The following CLVS1 variants were observed in gnomAD, a reference collection of about 807,000 sequenced individuals.
CLVS1 encodes clavesin 1.
A neutral mutation model predicts 33.1 loss-of-function variants in CLVS1; 10 were observed. The ratio of observed to expected loss-of-function variants is 0.30; its 90% CI spans 0.19 to 0.51. CLVS1 has a LOEUF of 0.51. Among genes scored for constraint, CLVS1 ranks in the 20% least tolerant of loss-of-function variants. The pLI, the probability that CLVS1 is intolerant of heterozygous loss-of-function variation, is 0.97. For synonymous variants in CLVS1, 163 were observed against 166.1 expected (o/e 0.98, Z 0.14); for missense variants, 343 against 433.4 (o/e 0.79, Z 1.85).
intron 3 of CLVS1, among the ~76,000 whole-genome samples, chr8:61,403,085 C>T (rs1280076444): frequency 5.9e-5 from 9 of 151,982 alleles, no homozygotes; most frequent in Admixed American, 5.9e-4. Flanking sequence ...TTGTGGTTGG[C>T]CTTATTGAGG....
chr8:61,486,535 T>C (rs1803888844), intron 5 of CLVS1, among the ~76,000 whole-genome samples: 1 of 152,246 alleles, frequency 6.6e-6, no homozygotes, highest in Non-Finnish European at 1.5e-5. Context: ...TCAATAATCC[T>C]TCACGTACCT....
intron 5 of CLVS1, among the ~76,000 whole-genome samples, chr8:61,461,217 C>G (rs898455233): frequency 2.0e-5 from 3 of 152,204 alleles, no homozygotes. Flanking sequence ...TCAACATTGT[C>G]TTGTCCCTTC....
At chr8:60,981,035 G>A in the CLVS1 span, among the ~76,000 whole-genome samples, 1,068 of 152,304 alleles carry the variant, frequency 7.0e-3, 8 homozygotes, top group South Asian at 0.014. Flanking sequence ...GGCTGGGGAT[G>A]GCTTCTCTAG....
At chr8:60,971,343 T>C in the CLVS1 span, among the ~76,000 whole-genome samples, 1 of 152,324 alleles carries the variant, frequency 6.6e-6, no homozygotes, top group East Asian at 1.9e-4. Flanking sequence ...CCTTCCGAAG[T>C]GCTGGGATTA....
At chr8:60,973,969 G>C in the CLVS1 span, among the ~76,000 whole-genome samples, 1 of 152,102 alleles carries the variant, frequency 6.6e-6, no homozygotes, top group African/African-American at 2.4e-5. Flanking sequence ...TTATTCTTTT[G>C]ATTTGCTTTT....
chr8:61,358,556 G>T (rs1334857650), intron 2 of CLVS1, among the ~76,000 whole-genome samples: 1 of 152,150 alleles, frequency 6.6e-6, no homozygotes, highest in Non-Finnish European at 1.5e-5. Flanking sequence ...GTACAGTGGT[G>T]AACATGATTA....
In CLVS1 at chr8:61,120,936, G is replaced by T. The variant is rs368136485; in HGVS notation, c.-242-10834G>T. On this transcript the variant is annotated intron_variant, in intron 1 of 2. Coordinates refer to the CLVS1 transcript ENST00000522621. The stretch of plus-strand genomic sequence containing the variant: ...CTTCCTGGCTGCTTTGTTTACCTAA[G>T]CAAGCCTGGGCAATGGCGGGTGCCC... Among the ~76,000 whole-genome samples the T allele has an allele frequency of 4.9e-3, 728 of 147,918 alleles. 5 individuals are homozygous for T. Among genetic ancestry groups the T allele is most frequent in the African/African-American group, 0.011 (422 of 38,894 alleles).
chr8:61,137,372 C>A (rs1046390034), intron 2 of CLVS1, among the ~76,000 whole-genome samples: 2 of 152,192 alleles, frequency 1.3e-5, no homozygotes, highest in South Asian at 4.1e-4. Flanking sequence ...TTGGTGCTAT[C>A]ACTTGGTAGC....
intron 2 of CLVS1, among the ~76,000 whole-genome samples, chr8:61,325,869 T>C (rs1026670227): frequency 5.3e-5 from 8 of 152,184 alleles, no homozygotes; most frequent in African/African-American, 1.9e-4. Flanking sequence ...GAATTTCCTA[T>C]TTATAGTTCA....
At chr8:61,224,972 A>G (rs1808296790) in intron 2 of CLVS1, among the ~76,000 whole-genome samples, 1 of 152,212 alleles carries the variant, frequency 6.6e-6, no homozygotes, top group African/African-American at 2.4e-5. Flanking sequence ...AATGAATGAT[A>G]TATTTGTGTT....
rs377236781 is a variant in CLVS1 at position 61,500,440 on chromosome 8, A to T, written c.*898A>T. The stretch of plus-strand genomic sequence containing the variant: ...CACAACCCTCCTGCAACCATTAAAG[A>T]TGTGGAGAAAGACCATGGTTGTTGC... On this transcript the variant is annotated 3_prime_UTR_variant, in exon 6 of 6. Transcript: ENST00000325897. 1 of 152,166 alleles carries T rather than the reference A, an allele frequency of 6.6e-6. No individual in the cohort carries two copies. The highest frequency in any genetic ancestry group is 2.4e-5 in the African/African-American group (1 of 41,452). 9.4% of individuals were successfully genotyped at this position (152,166 alleles called of 1,614,324 possible). A position where few individuals can be genotyped will look rare whatever the true frequency, so the allele number is the denominator to read the frequency against.
At chr8:61,090,197 C>G (rs2129284247) in intron 1 of CLVS1, among the ~76,000 whole-genome samples, 1 of 152,274 alleles carries the variant, frequency 6.6e-6, no homozygotes, top group Middle Eastern at 3.4e-3. Flanking sequence ...TAGCAGGTAA[C>G]TTGAGATTTA....
intron 2 of CLVS1, among the ~76,000 whole-genome samples, chr8:61,155,137 G>A (rs1406117797): frequency 6.6e-6 from 1 of 152,220 alleles, no homozygotes; most frequent in Non-Finnish European, 1.5e-5. Context: ...TGCATGTTAA[G>A]TACATGAAGG....
the CLVS1 span, among the ~76,000 whole-genome samples, chr8:61,023,133 TAGG>T: frequency 6.6e-6 from 1 of 152,256 alleles, no homozygotes; most frequent in South Asian, 2.1e-4. Flanking sequence ...TTTGTTTTAC[TAGG>T]AGATGAGGAT....
In CLVS1 at chr8:61,348,647, T is replaced by C. The variant is rs529997906; in HGVS notation, c.456-27958T>C. On this transcript the variant is annotated intron_variant, in intron 2 of 5. Transcript: ENST00000325897. ...CTGATGGACATTTAGGTTGATTTCA[T>C]ATTTTGGCTATTGCGAATATTGCCT... is the stretch of plus-strand genomic sequence containing the variant. 6.0e-4 allele frequency among the ~76,000 whole-genome samples: 91 copies of C among 152,266 alleles called. 2 individuals carry two copies. In the South Asian group the frequency reaches 0.018, roughly 30 times the overall value.
At chr8:60,965,012 G>C in the CLVS1 span, among the ~76,000 whole-genome samples, 1 of 152,270 alleles carries the variant, frequency 6.6e-6, no homozygotes, top group Admixed American at 6.5e-5. Flanking sequence ...TAGCTTCATA[G>C]ATTCATGGGA....
At chr8:61,146,772 C>T (rs1186682366) in intron 2 of CLVS1, among the ~76,000 whole-genome samples, 1 of 152,064 alleles carries the variant, frequency 6.6e-6, no homozygotes, top group East Asian at 1.9e-4. Context: ...TCACCAGCTG[C>T]CTCACTTAAC....
At chr8:60,990,017 A>C in the CLVS1 span, among the ~76,000 whole-genome samples, 357 of 148,154 alleles carry the variant, frequency 2.4e-3, 2 homozygotes, top group African/African-American at 8.5e-3. Flanking sequence ...CCCAGCTACT[A>C]TGGAGGCTGA....
chr8:61,177,260 C>T (rs1484588930), intron 2 of CLVS1, among the ~76,000 whole-genome samples: 2 of 152,198 alleles, frequency 1.3e-5, no homozygotes, highest in Non-Finnish European at 2.9e-5. Flanking sequence ...TGGCCCATTT[C>T]TCCTCACTGG....
Sources: allele counts gnomAD v4.1 joint callset (sites outside exome capture counted in the v4.1 genomes callset), GRCh38; gene constraint gnomAD v4.1.1; transcripts MANE v1.5; gene names NCBI Gene and HGNC (gene_info 2026-07-23, HGNC 2026-07-21).